The following GPATCH8 variants were observed in gnomAD, a reference collection of about 807,000 sequenced individuals.
GPATCH8 encodes G-patch domain containing 8.
Under a neutral mutation model 118.3 loss-of-function variants are expected in GPATCH8, and 18 were observed. That is an observed-to-expected ratio of 0.15 (90% CI 0.11 to 0.23). The LOEUF is 0.23. GPATCH8 is among the 10% of genes least tolerant of loss of function. The pLI is 1.00. For synonymous variants in GPATCH8, 659 were observed against 684.7 expected, an observed-to-expected ratio of 0.96 and a Z score of 0.59; for missense variants, 1,631 against 1,873.8, an observed-to-expected ratio of 0.87 and a Z score of 2.39.
chr17:44,398,903 A>G lies in GPATCH8; in HGVS notation c.3174T>C (p.Ser1058=), dbSNP rs957196522. The change falls in exon 8 of 8, where the codon AGT becomes AGC. Residue 1058 remains serine (S), a synonymous_variant. Coordinates refer to ENST00000591680, the MANE Select transcript of GPATCH8 (RefSeq NM_001002909.4). ...TCTGGGAAGGTGGACCTGTTGCTTT[A>G]CTGTCATCTCCTCTGCCATCATCTT... ...GKKDDGRGDD[S]KATGPPSQNS... is the part of the protein sequence containing the mutation. 1.2e-6 allele frequency: 2 copies of G among 1,613,942 alleles called. No individual in the cohort carries two copies. The highest frequency in any genetic ancestry group is 2.7e-5 in the African/African-American group (2 of 74,880).
At chr17:44,414,239 G>GA (rs1238598598) in intron 6 of GPATCH8, among the ~76,000 whole-genome samples, 75 of 151,154 alleles carry the variant, frequency 5.0e-4, no homozygotes, top group Non-Finnish European at 2.9e-5. Context: ...CTACCACCAT[G>GA]AAAACTTAAG....
intron 3 of GPATCH8, among the ~76,000 whole-genome samples, chr17:44,439,783 C>CTTTT (rs200851468): frequency 7.1e-6 from 1 of 140,560 alleles, no homozygotes. Context: ...GAAAACTCAA[C>CTTTT]TTTTTTTTTT....
chr17:44,486,964 T>G (rs1205313849), intron 1 of GPATCH8: 1 of 152,222 alleles, frequency 6.6e-6, no homozygotes, highest in African/African-American at 2.4e-5. Context: ...GCACATTTAT[T>G]ATAATACATT....
At chr17:44,497,375 A>G (rs769954317) in intron 1 of GPATCH8, among the ~76,000 whole-genome samples, 3 of 152,124 alleles carry the variant, frequency 2.0e-5, no homozygotes, top group Non-Finnish European at 4.4e-5. Context: ...GGATAGCTTG[A>G]GCTCAGGAGT....
At chr17:44,498,934 T>C (rs1598651808) in intron 1 of GPATCH8, among the ~76,000 whole-genome samples, 1 of 152,298 alleles carries the variant, frequency 6.6e-6, no homozygotes, top group East Asian at 1.9e-4. Context: ...ACTAAGAATT[T>C]CCTAAGGGTC....
chr17:44,487,027 G>A (rs1968838902), intron 1 of GPATCH8, among the ~76,000 whole-genome samples: 1 of 152,096 alleles, frequency 6.6e-6, no homozygotes, highest in African/African-American at 2.4e-5. Context: ...AAAGTCCATA[G>A]TACATTAAGA....
At chr17:44,436,643 T>C in intron 3 of GPATCH8, 98 bp from the exon 4 acceptor site, 1 of 765,308 alleles carries the variant, frequency 1.3e-6, no homozygotes, top group Non-Finnish European at 2.4e-6. Context: ...TGCCTTGGAG[T>C]GCAGAGACCA....
chr17:44,413,791 T>C (rs1463268088), intron 6 of GPATCH8, among the ~76,000 whole-genome samples: 2 of 152,070 alleles, frequency 1.3e-5, no homozygotes, highest in African/African-American at 2.4e-5. Flanking sequence ...GGCTAATTTT[T>C]GTATTTTTAG....
chr17:44,455,909 C>T (rs976792047), intron 3 of GPATCH8, among the ~76,000 whole-genome samples: 1 of 151,654 alleles, frequency 6.6e-6, no homozygotes, highest in Non-Finnish European at 1.5e-5. Context: ...CACCATGCCC[C>T]GCTAATTTTG....
Position 44,503,310 on chromosome 17 carries a change from C to T in GPATCH8, c.45+16G>A. 1 of 1,605,678 alleles carries T rather than the reference C, an allele frequency of 6.2e-7. No individual in the cohort carries two copies. On this transcript the variant is annotated intron_variant, in intron 1 of 7. Transcript: ENST00000591680. ...ACCAGCGCCTTCCCCGCATCCTCGGCGACGCCCGTGTTTACCTGAAAGTCT... is the reference window on the plus strand; with the variant it reads ...ACCAGCGCCTTCCCCGCATCCTCGGTGACGCCCGTGTTTACCTGAAAGTCT...
intron 4 of GPATCH8, 100 bp from the exon 5 acceptor site, chr17:44,435,251 A>C: frequency 1.4e-6 from 1 of 705,302 alleles, no homozygotes; most frequent in Non-Finnish European, 2.6e-6. Context: ...CTGAAAACAA[A>C]AAAAAATTGT....
At chr17:44,419,296 A>C (rs1473434181) in intron 6 of GPATCH8, among the ~76,000 whole-genome samples, 1 of 152,216 alleles carries the variant, frequency 6.6e-6, no homozygotes, top group Non-Finnish European at 1.5e-5. Flanking sequence ...GATTCATAAT[A>C]ATCCTGTGTG....
intron 1 of GPATCH8, among the ~76,000 whole-genome samples, chr17:44,489,217 T>G (rs952665506): frequency 6.6e-6 from 1 of 152,130 alleles, no homozygotes; most frequent in East Asian, 1.9e-4. Context: ...TAATGCTTAG[T>G]ATATGGATAA....
chr17:44,467,788 AAAAT>A (rs1310276720), intron 2 of GPATCH8, among the ~76,000 whole-genome samples: 197 of 152,314 alleles, frequency 1.3e-3, no homozygotes, highest in South Asian at 3.1e-3. Context: ...ACACTCGTCA[AAAAT>A]CCAATAGGCT....
chr17:44,399,036 C>T lies in GPATCH8; in HGVS notation c.3041G>A (p.Ser1014Asn). Reference sequence around the variant, plus strand: ...ACGCCCAGAATGCCTCTCCTCAGGGCTCTCGTGACCCCATGATCTCTTCCT... The same window carrying T: ...ACGCCCAGAATGCCTCTCCTCAGGGTTCTCGTGACCCCATGATCTCTTCCT... ...GSRKRSWGHESPEERHSGRRD... is the reference protein window; with the variant it reads ...GSRKRSWGHENPEERHSGRRD... The change falls in exon 8 of 8, where the codon AGC becomes AAC. Residue 1014 changes from serine to asparagine, a missense_variant. Physicochemically the swap from Ser to Asn is conservative, Grantham distance 46 (BLOSUM62 1). Around this residue, in one of 8 missense-constraint regions of GPATCH8, gnomAD observed 922 missense variants for 879.7 expected, o/e 1.05. Coordinates refer to ENST00000591680, the MANE Select transcript of GPATCH8 (RefSeq NM_001002909.4). 1 of 1,614,088 alleles carries T rather than the reference C, an allele frequency of 6.2e-7. No individual in the cohort carries two copies. The highest frequency in any genetic ancestry group is 8.5e-7 in the Non-Finnish European group (1 of 1,179,960).
intron 1 of GPATCH8, among the ~76,000 whole-genome samples, chr17:44,475,405 A>T (rs1967673961): frequency 7.1e-6 from 1 of 141,060 alleles, no homozygotes; most frequent in Non-Finnish European, 1.5e-5. Context: ...AAAAAGAAAA[A>T]ACTTTATAAA....
At position 44,399,885 on chromosome 17, in the gene GPATCH8, G is replaced by A. The variant is rs1230311291; in HGVS notation, c.2192C>T (p.Pro731Leu). The change falls in exon 8 of 8, where the codon CCC (proline) becomes CTC (leucine). Residue 731 changes from proline to leucine, a missense_variant. Coordinates refer to ENST00000591680, the MANE Select transcript of GPATCH8 (RefSeq NM_001002909.4). ...SSAPADSERGPKPEPPGSGSP... is the reference protein window; with the variant it reads ...SSAPADSERGLKPEPPGSGSP... ...GCCACTCCCAGGGGGTTCTGGTTTG[G>A]GTCCTCGTTCAGAATCTGCTGGGGC... The A allele has an allele frequency of 8.7e-6, 14 of 1,613,666 alleles. No individual in the cohort carries two copies. Among genetic ancestry groups the A allele is most frequent in the Non-Finnish European group, 1.2e-5 (14 of 1,179,912 alleles).
At chr17:44,418,773 G>C (rs1359518257) in intron 6 of GPATCH8, among the ~76,000 whole-genome samples, 1 of 152,132 alleles carries the variant, frequency 6.6e-6, no homozygotes, top group Non-Finnish European at 1.5e-5. Flanking sequence ...TGTCTATTGA[G>C]CATTCAGGTG....
chr17:44,397,616 G>C lies in GPATCH8; in HGVS notation c.4461C>G (p.Pro1487=). ...GTTGCAGGTCCTGACCTGAGAAGAT[G>C]GGGTGAAGTAGTGGGTGAAGGTGAA... is the stretch of plus-strand genomic sequence containing the variant. ...TALHLHPLLH[P]IFSGQDLQHP... Residue 1487 remains proline, a synonymous_variant, in exon 8 of 8, where the codon CCC becomes CCG. Transcript: ENST00000591680. The C allele has an allele frequency of 6.2e-7, 1 of 1,613,892 alleles. No individual in the cohort carries two copies. The highest frequency in any genetic ancestry group is 8.5e-7 in the Non-Finnish European group (1 of 1,179,878).
Sources: gnomAD v4.1 joint callset for allele counts (sites outside exome capture counted in the v4.1 genomes callset) on GRCh38, gnomAD v4.1.1 for gene constraint, gnomAD v4.1.1 regional missense constraint, MANE v1.5 for transcripts, NCBI Gene and HGNC (gene_info 2026-07-23, HGNC 2026-07-21) for gene names.